The following C6orf118 variants were observed in gnomAD, a reference collection of about 807,000 sequenced individuals.
C6orf118 encodes chromosome 6 open reading frame 118.
Under a neutral mutation model 50.2 loss-of-function variants are expected in C6orf118, and 50 were observed. The ratio of observed to expected loss-of-function variants is 1.00; its 90% CI spans 0.79 to 1.26. C6orf118 has a LOEUF of 1.26. Among genes scored for constraint, C6orf118 ranks in the 50% most tolerant of loss-of-function variants. The probability of loss-of-function intolerance (pLI) is 0.00; values close to 1 mark genes in which losing one functional copy is unlikely to be tolerated. For synonymous variants in C6orf118, 239 were observed against 230.9 expected (o/e 1.03, Z -0.32); for missense variants, 641 against 578.7 (o/e 1.11, Z -1.10).
At chr6:165,301,352 G>A (rs573605449) in intron 2 of C6orf118, among the ~76,000 whole-genome samples, 5 of 151,252 alleles carry the variant, frequency 3.3e-5, no homozygotes, top group Admixed American at 1.3e-4. Flanking sequence ...TGCACCCAGA[G>A]GCTGCACCAA....
intron 7 of C6orf118, 170 bp from the exon 8 acceptor site, chr6:165,281,863 G>C: frequency 2.7e-6 from 1 of 377,014 alleles, no homozygotes. Context: ...GACAATTAAT[G>C]AGAAGGAAAG....
chr6:165,300,483 G>T lies in C6orf118; in HGVS notation c.757C>A (p.Leu253Ile). Residue 253 changes from leucine to isoleucine, a missense_variant, in exon 3 of 9, where the codon CTC becomes ATC. Transcript: ENST00000230301. Reference protein sequence around the residue: ...AGHERKLQQELQKICTCSPQQ... With the variant: ...AGHERKLQQEIQKICTCSPQQ... Reference sequence around the variant, plus strand: ...GGGCTGCACGTGCAAATTTTCTGGAGCTCCTGGAGGAAAAACAGAGTCAGC... The same window carrying T: ...GGGCTGCACGTGCAAATTTTCTGGATCTCCTGGAGGAAAAACAGAGTCAGC... The T allele has an allele frequency of 6.2e-7, 1 of 1,608,590 alleles. No individual in the cohort carries two copies.
chr6:165,292,547 G>A (rs1475736050), intron 6 of C6orf118, among the ~76,000 whole-genome samples: 4 of 151,792 alleles, frequency 2.6e-5, no homozygotes, highest in Admixed American at 2.0e-4. Context: ...TTTTTAAATC[G>A]TGGGCCTGTT....
chr6:165,291,582 C>T lies in C6orf118; in HGVS notation c.1121-1515G>A, dbSNP rs538917846. On this transcript the variant is annotated intron_variant, in intron 6 of 8. Transcript: ENST00000230301. The stretch of plus-strand genomic sequence containing the variant: ...TTTAATCTCGGACATGTTGAAATAC[C>T]TATGGGACACTCAAGAGGCCACGTC... Among the ~76,000 whole-genome samples, 8 of 152,122 alleles carry T rather than the reference C, an allele frequency of 5.3e-5. No individual in the cohort carries two copies. The East Asian group carries it at 1.5e-3, about 29-fold the overall frequency.
chr6:165,302,557 G>A (rs1317831884), intron 1 of C6orf118, among the ~76,000 whole-genome samples: 1 of 152,198 alleles, frequency 6.6e-6, no homozygotes, highest in Non-Finnish European at 1.5e-5. Context: ...ATAAGAAAAA[G>A]ACAGACTATC....
chr6:165,300,375 T>A lies in C6orf118; in HGVS notation c.865A>T (p.Lys289Ter). Residue 289 changes from lysine (K) to a stop codon, truncating the protein, a stop_gained, in exon 3 of 9, where the codon AAA becomes TAA. Coordinates refer to ENST00000230301, the MANE Select transcript of C6orf118 (RefSeq NM_144980.4). LOFTEE classifies it high-confidence loss of function. ...TGTATGTTTCTTACCTTAACTTTTT[T>A]CAAGAGATCACCAAATATCAAAGAA... ...NSSLIFGDLL[K>*]KVKDEYELYM... 6.2e-7 allele frequency: 1 copy of A among 1,614,094 alleles called. No individual in the cohort carries two copies. Among genetic ancestry groups the A allele is most frequent in the South Asian group, 1.1e-5 (1 of 91,082 alleles).
Position 165,302,214 on chromosome 6 carries a change from C to T in C6orf118, c.108G>A (p.Lys36=). ...NLKHCETPGV[K]TLCNLKKLLN... The stretch of plus-strand genomic sequence containing the variant: ...GAAGTTTCTTCAGATTACACAGGGT[C>T]TTCACTCCTGGCGTCTCGCAGTGCT... Residue 36 remains lysine (K), a synonymous_variant, in exon 2 of 9, where the codon AAG becomes AAA. Coordinates refer to ENST00000230301, the MANE Select transcript of C6orf118 (RefSeq NM_144980.4). The T allele has an allele frequency of 1.2e-6, 2 of 1,612,754 alleles. No homozygotes were observed. The highest frequency in any genetic ancestry group is 1.7e-6 in the Non-Finnish European group (2 of 1,179,084).
intron 8 of C6orf118, 50 bp downstream of exon 8, chr6:165,281,590 C>A (rs927471439): frequency 6.8e-7 from 1 of 1,477,260 alleles, no homozygotes. Flanking sequence ...CAAGCAGTCA[C>A]CAGAGGAAAT....
chr6:165,290,077 T>C lies in C6orf118; in HGVS notation c.1121-10A>G. ...TGTTTCTCAGATGATTCTGGAAATA[T>C]TTTTTAAAACAAAGTATTACCATGT... On this transcript the variant is annotated splice_polypyrimidine_tract_variant and intron_variant, in intron 6 of 8. Coordinates refer to ENST00000230301, the MANE Select transcript of C6orf118 (RefSeq NM_144980.4). The C allele has an allele frequency of 6.5e-7, 1 of 1,546,390 alleles. No homozygotes were observed. The highest frequency in any genetic ancestry group is 8.8e-7 in the Non-Finnish European group (1 of 1,136,088).
intron 1 of C6orf118, among the ~76,000 whole-genome samples, chr6:165,308,582 G>A (rs1222272506): frequency 6.6e-6 from 1 of 152,148 alleles, no homozygotes; most frequent in Non-Finnish European, 1.5e-5. Flanking sequence ...CCAGCCTGGT[G>A]ACAGCCTGAA....
rs1231522073 is a variant in C6orf118 at position 165,301,929 on chromosome 6, G to A, written c.393C>T (p.Tyr131=). 1.2e-6 allele frequency: 2 copies of A among 1,613,778 alleles called. No individual in the cohort carries two copies. The highest frequency in any genetic ancestry group is 1.7e-5 in the Admixed American group (1 of 60,002). ...GGGAAAGAGAGGCCTGGGGGTTCAG[G>A]TACCTGAACAGCGGGGTGTCCTGGG... ...SEAQDTPLFR[Y]LNPQASLSHT... Residue 131 remains tyrosine, a synonymous_variant, in exon 2 of 9, where the codon TAC becomes TAT. Transcript: ENST00000230301.
intron 2 of C6orf118, 119 bp from the exon 3 acceptor site, chr6:165,300,605 A>G (rs1242349262): frequency 3.6e-6 from 3 of 834,810 alleles, no homozygotes; most frequent in Admixed American, 5.0e-5. Flanking sequence ...GCGGGGCGGC[A>G]CAGGGGGCCA....
Position 165,289,319 on chromosome 6 carries a change from T to G in C6orf118, c.1302+567A>C, listed in dbSNP as rs568982765. Reference sequence around the variant, plus strand: ...ATTCTGCTAAAGAGAATAAAAGTAGTGCTGGAAAAATATATTTAACTATAG... The same window carrying G: ...ATTCTGCTAAAGAGAATAAAAGTAGGGCTGGAAAAATATATTTAACTATAG... On this transcript the variant is annotated intron_variant, in intron 7 of 8. Coordinates refer to ENST00000230301, the MANE Select transcript of C6orf118 (RefSeq NM_144980.4). 9.9e-5 allele frequency among the ~76,000 whole-genome samples: 15 copies of G among 152,260 alleles called. No homozygotes were observed. In the South Asian group the frequency reaches 3.1e-3, roughly 32 times the overall value.
intron 1 of C6orf118, among the ~76,000 whole-genome samples, chr6:165,307,135 C>T (rs1017433899): frequency 2.0e-5 from 3 of 151,994 alleles, no homozygotes; most frequent in African/African-American, 7.2e-5. Context: ...TACATATTGC[C>T]AAAATTTAGT....
Position 165,298,074 on chromosome 6 carries a change from C to T in C6orf118, c.964G>A (p.Gly322Arg), listed in dbSNP as rs1199314816. The T allele has an allele frequency of 6.2e-7, 1 of 1,609,792 alleles. No individual in the cohort carries two copies. Among genetic ancestry groups the T allele is most frequent in the East Asian group, 2.2e-5 (1 of 44,842 alleles). Residue 322 changes from glycine to arginine, a missense_variant, in exon 5 of 9, where the codon GGG becomes AGG. Transcript: ENST00000230301. ...EALLAQLKAL[G>R]QRPVKTADMD... ...TCCGCCGTCTTCACCGGCCTCTGCC[C>T]CAGCGCCTTGAGTTGAGCCAGAAGA...
At chr6:165,290,147 T>C in intron 6 of C6orf118, 80 bp from the exon 7 acceptor site, 1 of 794,020 alleles carries the variant, frequency 1.3e-6, no homozygotes, top group Non-Finnish European at 2.0e-6. Flanking sequence ...TTATTAACAA[T>C]ATTATGTATG....
In C6orf118 at chr6:165,301,980, G is replaced by A. The variant is rs1583025045; in HGVS notation, c.342C>T (p.Ile114=). Residue 114 remains isoleucine (I), a synonymous_variant, in exon 2 of 9, where the codon ATC becomes ATT. Coordinates refer to ENST00000230301, the MANE Select transcript of C6orf118 (RefSeq NM_144980.4). Reference sequence around the variant, plus strand: ...CCTCACTGGGGACCAGGGCCGTGTGGATGGTGAAGTGGGCCAGGGCCTCCT... The same window carrying A: ...CCTCACTGGGGACCAGGGCCGTGTGAATGGTGAAGTGGGCCAGGGCCTCCT... ...RMKEALAHFT[I]HTALVPSEAQ... is the part of the protein sequence containing the mutation. 3 of 1,613,644 alleles carry A rather than the reference G, an allele frequency of 1.9e-6. No homozygotes were observed. Among genetic ancestry groups the A allele is most frequent in the Admixed American group, 1.7e-5 (1 of 59,994 alleles).
At chr6:165,301,160 T>C (rs1780514672) in intron 2 of C6orf118, among the ~76,000 whole-genome samples, 1 of 151,476 alleles carries the variant, frequency 6.6e-6, no homozygotes, top group Non-Finnish European at 1.5e-5. Flanking sequence ...CCATTGAAGG[T>C]GCTAATGCTC....
chr6:165,298,783 A>G (rs532303651), intron 4 of C6orf118, among the ~76,000 whole-genome samples: 3 of 152,382 alleles, frequency 2.0e-5, no homozygotes, highest in African/African-American at 7.2e-5. Flanking sequence ...CTTATTTTAC[A>G]TGAAGAAGCA....
Sources: gnomAD v4.1 joint callset for allele counts (sites outside exome capture counted in the v4.1 genomes callset) on GRCh38, gnomAD v4.1.1 for gene constraint, MANE v1.5 for transcripts, NCBI Gene and HGNC (gene_info 2026-07-23, HGNC 2026-07-21) for gene names.